The following CMSS1 variants were observed in gnomAD, a reference collection of about 807,000 sequenced individuals.
The protein encoded by CMSS1 is protein CMSS1.
In CMSS1, 33 loss-of-function variants were observed where a neutral mutation model predicts 43.5. That is an observed-to-expected ratio of 0.76 (90% CI 0.57 to 1.01). CMSS1 has a LOEUF of 1.01. Among genes scored for constraint, CMSS1 ranks in the 50% least tolerant of loss-of-function variants. CMSS1 has a pLI of 0.00. For missense variants in CMSS1, 313 were observed against 326.4 expected (o/e 0.96, Z 0.32); for synonymous variants, 115 against 117.2 (o/e 0.98, Z 0.12).
At chr3:100,075,903 T>TG (rs2065842773) in intron 1 of CMSS1, among the ~76,000 whole-genome samples, 1 of 152,210 alleles carries the variant, frequency 6.6e-6, no homozygotes, top group Non-Finnish European at 1.5e-5. Context: ...TAGGATTCGA[T>TG]TCAGGAGAGC....
chr3:99,937,082 C>T (rs750506163), intron 1 of CMSS1, among the ~76,000 whole-genome samples: 23 of 151,934 alleles, frequency 1.5e-4, no homozygotes, highest in African/African-American at 4.8e-4. Context: ...GGATTACAGG[C>T]GCCTGCCATC....
intron 1 of CMSS1, among the ~76,000 whole-genome samples, chr3:100,129,538 C>A (rs2066689899): frequency 6.6e-6 from 1 of 152,148 alleles, no homozygotes; most frequent in African/African-American, 2.4e-5. Flanking sequence ...AGGAGTTCAG[C>A]AAATGTTTAT....
chr3:99,827,282 C>A (rs1174019273), intron 1 of CMSS1, among the ~76,000 whole-genome samples: 1 of 152,170 alleles, frequency 6.6e-6, no homozygotes, highest in Non-Finnish European at 1.5e-5. Flanking sequence ...CCCTCTGCCT[C>A]CCAGACTCAA....
intron 1 of CMSS1, among the ~76,000 whole-genome samples, chr3:99,895,823 T>G (rs774274619): frequency 1.3e-5 from 2 of 152,188 alleles, no homozygotes; most frequent in African/African-American, 2.4e-5. Flanking sequence ...AGGTGCCTCC[T>G]TAAAAGACTG....
chr3:99,945,048 A>C (rs1476741531), intron 1 of CMSS1, among the ~76,000 whole-genome samples: 1 of 152,194 alleles, frequency 6.6e-6, no homozygotes, highest in African/African-American at 2.4e-5. Context: ...GCTTAAGTCA[A>C]AAATCATCAA....
At chr3:99,835,772 C>T (rs961194164) in intron 1 of CMSS1, among the ~76,000 whole-genome samples, 7 of 152,032 alleles carry the variant, frequency 4.6e-5, no homozygotes, top group Non-Finnish European at 5.9e-5. Flanking sequence ...GGTAGAATGA[C>T]GTGCAATAAT....
chr3:99,920,750 G>A (rs964050830), intron 1 of CMSS1, among the ~76,000 whole-genome samples: 74 of 152,270 alleles, frequency 4.9e-4, no homozygotes, highest in Admixed American at 3.2e-3. Flanking sequence ...CTCAATGTGT[G>A]ACATCAGTCT....
At chr3:100,093,203 C>T (rs925504894) in intron 1 of CMSS1, among the ~76,000 whole-genome samples, 2 of 152,086 alleles carry the variant, frequency 1.3e-5, no homozygotes, top group Non-Finnish European at 2.9e-5. Context: ...TAACATATTA[C>T]CAGATATACT....
chr3:99,965,753 A>G (rs1237874824), intron 1 of CMSS1, among the ~76,000 whole-genome samples: 1 of 152,196 alleles, frequency 6.6e-6, no homozygotes, highest in Non-Finnish European at 1.5e-5. Flanking sequence ...GGTTAAATGA[A>G]GGTTACCAGA....
intron 1 of CMSS1, among the ~76,000 whole-genome samples, chr3:99,859,861 A>T (rs892943009): frequency 2.0e-5 from 3 of 152,154 alleles, no homozygotes; most frequent in African/African-American, 7.2e-5. Context: ...AAATTTTAAG[A>T]GCACTCATAA....
chr3:100,087,216 G>C (rs541643612), intron 1 of CMSS1, among the ~76,000 whole-genome samples: 1 of 152,232 alleles, frequency 6.6e-6, no homozygotes, highest in Non-Finnish European at 1.5e-5. Context: ...TTCTCTAGGA[G>C]TGGAATTACT....
intron 1 of CMSS1, among the ~76,000 whole-genome samples, chr3:100,001,056 C>T (rs926746439): frequency 6.6e-6 from 1 of 152,180 alleles, no homozygotes; most frequent in African/African-American, 2.4e-5. Flanking sequence ...CACACACACA[C>T]TCTTCCCAAA....
chr3:99,877,953 C>T (rs952514658), intron 1 of CMSS1, among the ~76,000 whole-genome samples: 5 of 152,156 alleles, frequency 3.3e-5, no homozygotes, highest in Non-Finnish European at 7.4e-5. Context: ...TTGTTTCTTT[C>T]TCACATATCC....
intron 1 of CMSS1, chr3:99,930,945 G>A (rs1166854183): frequency 6.2e-7 from 1 of 1,613,400 alleles, no homozygotes; most frequent in Non-Finnish European, 8.5e-7. Context: ...TTAGGCCCTT[G>A]GAAACTGTGG....
intron 1 of CMSS1, among the ~76,000 whole-genome samples, chr3:100,132,016 TA>T (rs2066713036): frequency 6.6e-6 from 1 of 152,244 alleles, no homozygotes; most frequent in African/African-American, 2.4e-5. Flanking sequence ...ATAATTTTTC[TA>T]AGCATAACTG....
At chr3:99,967,619 T>G (rs998138396) in intron 1 of CMSS1, among the ~76,000 whole-genome samples, 2 of 152,182 alleles carry the variant, frequency 1.3e-5, no homozygotes, top group South Asian at 2.1e-4. Flanking sequence ...TCACGACACA[T>G]GCAGAGATTG....
chr3:100,009,455 G>A (rs1029147196), intron 1 of CMSS1, among the ~76,000 whole-genome samples: 6 of 152,142 alleles, frequency 3.9e-5, no homozygotes, highest in African/African-American at 1.2e-4. Context: ...AGACTAGAGG[G>A]CTGGGGTGAC....
At chr3:100,156,281 C>T (rs904845179) in intron 2 of CMSS1, among the ~76,000 whole-genome samples, 2 of 146,114 alleles carry the variant, frequency 1.4e-5, no homozygotes, top group African/African-American at 5.0e-5. Context: ...TGCGCCACCA[C>T]ACTAGCTAAT....
chr3:100,051,350 TTA>T (rs1311031463), intron 1 of CMSS1: 1 of 151,916 alleles, frequency 6.6e-6, no homozygotes, highest in African/African-American at 2.4e-5. Context: ...AACCAATGGC[TTA>T]TATTTCTTTT....
Sources: gnomAD v4.1 joint callset for allele counts (sites outside exome capture counted in the v4.1 genomes callset) on GRCh38, gnomAD v4.1.1 for gene constraint, MANE v1.5 for transcripts, NCBI Gene and HGNC (gene_info 2026-07-23, HGNC 2026-07-21) for gene names.